TPO: variants seen among roughly 807,000 people sequenced by gnomAD.
The protein encoded by TPO is thyroid microsomal antigen.
Under a neutral mutation model 96.9 loss-of-function variants are expected in TPO, and 78 were observed. The ratio of observed to expected loss-of-function variants is 0.81; its 90% confidence interval spans 0.67 to 0.97. The LOEUF (loss-of-function observed/expected upper bound fraction) is 0.97, where lower values mean the gene tolerates loss of function less well. Ranked by LOEUF, TPO falls within the 50% of genes least tolerant of loss-of-function variation. TPO has a pLI of 0.00. For synonymous variants in TPO, 547 were observed against 538.0 expected, an observed-to-expected ratio of 1.02 and a Z score of -0.23; for missense variants, 1,252 against 1,274.8, an observed-to-expected ratio of 0.98 and a Z score of 0.27.
At chr2:1,491,188 A>T (rs1337994064) in intron 10 of TPO, among the ~76,000 whole-genome samples, 1 of 151,174 alleles carries the variant, frequency 6.6e-6, no homozygotes, top group Non-Finnish European at 1.5e-5. Flanking sequence ...CCAAAAAAAC[A>T]CTTTTTTTTG....
chr2:1,411,804 T>C (rs1049143640), upstream of TPO, among the ~76,000 whole-genome samples: 18 of 152,142 alleles, frequency 1.2e-4, 1 homozygote, highest in Non-Finnish European at 2.4e-4. Context: ...TTCCCACCTT[T>C]GTCTTGTAAG....
At chr2:1,404,799 T>A (rs73181089) in intron 1 of TPO, among the ~76,000 whole-genome samples, 3,180 of 152,318 alleles carry the variant, frequency 0.021, 117 homozygotes, top group African/African-American at 0.073. Flanking sequence ...GGCTGCAGCA[T>A]TGGTTTTCTA....
intron 10 of TPO, among the ~76,000 whole-genome samples, chr2:1,488,958 T>A (rs2124869913): frequency 6.6e-6 from 1 of 152,266 alleles, no homozygotes; most frequent in African/African-American, 2.4e-5. Context: ...TCCCCCTCAC[T>A]CCCTGCACCC....
intron 1 of TPO, among the ~76,000 whole-genome samples, chr2:1,388,580 G>A (rs1172631919): frequency 6.6e-6 from 1 of 152,232 alleles, no homozygotes; most frequent in Non-Finnish European, 1.5e-5. Flanking sequence ...TATGGTGGGA[G>A]TGACCCGATT....
Position 1,504,096 on chromosome 2 carries a change from C to G in TPO, c.2518+17C>G, listed in dbSNP as rs1488012547. The G allele has an allele frequency of 1.2e-6, 2 of 1,613,864 alleles. No homozygotes were observed. Among genetic ancestry groups the G allele is most frequent in the East Asian group, 2.2e-5 (1 of 44,876 alleles). ...CCTGCGTAGGTGAGGCTGTTCCCCTCTCTCTCTGTCCGTCCATTTGCGAGT... is the reference window on the plus strand; with the variant it reads ...CCTGCGTAGGTGAGGCTGTTCCCCTGTCTCTCTGTCCGTCCATTTGCGAGT... On this transcript the variant is annotated intron_variant, in intron 14 of 16. Transcript: ENST00000329066.
chr2:1,504,988 CA>C (rs1355608425), intron 14 of TPO, among the ~76,000 whole-genome samples: 1 of 152,152 alleles, frequency 6.6e-6, no homozygotes, highest in Non-Finnish European at 1.5e-5. Flanking sequence ...GGGGTCAGTG[CA>C]AAACGCTTCA....
At chr2:1,526,388 C>A (rs1321794363) in intron 15 of TPO, among the ~76,000 whole-genome samples, 1 of 95,484 alleles carries the variant, frequency 1.0e-5, no homozygotes, top group South Asian at 4.8e-4. Context: ...AAATGCCCCC[C>A]AATGTGAGCA....
intron 8 of TPO, among the ~76,000 whole-genome samples, chr2:1,478,985 G>A (rs186568397): frequency 8.2e-4 from 125 of 152,370 alleles, no homozygotes; most frequent in Middle Eastern, 3.4e-3. Context: ...GACGGAGGAG[G>A]CTTATGTGGG....
At chr2:1,496,340 TGGGGC>T (rs370762547) in intron 12 of TPO, 143 bp downstream of exon 12, 5,701 of 499,282 alleles carry the variant, frequency 0.011, 60 homozygotes, top group Non-Finnish European at 0.015. Context: ...GGGCAGCTCC[TGGGGC>T]GGGGCGGGGC....
chr2:1,535,243 C>T (rs1679332556), intron 15 of TPO, among the ~76,000 whole-genome samples: 1 of 4,450 alleles, frequency 2.2e-4, no homozygotes, highest in Non-Finnish European at 5.1e-4. Flanking sequence ...CCCAAATCCA[C>T]CCCACTCTGT....
chr2:1,421,023 C>T (rs1275980425), intron 2 of TPO, among the ~76,000 whole-genome samples: 4 of 151,676 alleles, frequency 2.6e-5, no homozygotes, highest in Non-Finnish European at 4.4e-5. Context: ...GGAAAACGGG[C>T]GTTTGGGAGA....
chr2:1,519,553 G>C (rs919551878), intron 15 of TPO, among the ~76,000 whole-genome samples: 6 of 152,108 alleles, frequency 3.9e-5, no homozygotes, highest in Non-Finnish European at 7.4e-5. Context: ...TGGGGTGGTG[G>C]CAGGAAATAT....
Position 1,477,343 on chromosome 2 carries a change from C to T in TPO, c.1077C>T (p.Ser359=), listed in dbSNP as rs781366338. The change falls in exon 8 of 17, where the codon TCC becomes TCT. Residue 359 remains serine, a synonymous_variant. Coordinates refer to ENST00000329066, the MANE Select transcript of TPO (RefSeq NM_001206744.2). ...LLRVHARLRD[S]GRAYLPFVPP... is the part of the protein sequence containing the mutation. The stretch of plus-strand genomic sequence containing the variant: ...GCGTCCACGCGCGCCTCCGGGACTC[C>T]GGCCGCGCCTACCTGCCCTTCGTGC... 15 of 1,554,576 alleles carry T rather than the reference C, an allele frequency of 9.6e-6. No homozygotes were observed. Among genetic ancestry groups the T allele is most frequent in the Middle Eastern group, 1.9e-4 (1 of 5,330 alleles).
At chr2:1,427,601 G>A (rs1664547665) in intron 3 of TPO, among the ~76,000 whole-genome samples, 1 of 152,164 alleles carries the variant, frequency 6.6e-6, no homozygotes. Context: ...CGTGAGAGTG[G>A]GAGCAACTGT....
chr2:1,387,828 C>T (rs973586712), intron 1 of TPO, among the ~76,000 whole-genome samples: 15 of 152,152 alleles, frequency 9.9e-5, no homozygotes, highest in Non-Finnish European at 1.8e-4. Context: ...GTTTTTTCCT[C>T]ATCTTTGTGG....
At chr2:1,397,648 G>A (rs1662102955) in intron 1 of TPO, among the ~76,000 whole-genome samples, 1 of 152,154 alleles carries the variant, frequency 6.6e-6, no homozygotes, top group Non-Finnish European at 1.5e-5. Flanking sequence ...AGGCAGAGCT[G>A]GGAGGCCCTG....
At chr2:1,476,963 C>A in intron 7 of TPO, 123 bp from the exon 8 acceptor site, 1 of 1,292,174 alleles carries the variant, frequency 7.7e-7, no homozygotes, top group Non-Finnish European at 1.1e-6. Flanking sequence ...CTGACCCCTA[C>A]AGAGGACTGG....
intron 15 of TPO, among the ~76,000 whole-genome samples, chr2:1,528,549 C>T (rs910806768): frequency 6.8e-6 from 1 of 147,356 alleles, no homozygotes; most frequent in African/African-American, 2.6e-5. Flanking sequence ...AAATCCCTCC[C>T]ACTCTTTGCA....
chr2:1,388,110 G>A (rs1661930755), intron 1 of TPO, among the ~76,000 whole-genome samples: 1 of 152,232 alleles, frequency 6.6e-6, no homozygotes, highest in Non-Finnish European at 1.5e-5. Context: ...TGAGGTGTCA[G>A]TCTGCCCCTA....
Sources: gnomAD v4.1 joint callset for allele counts (sites outside exome capture counted in the v4.1 genomes callset) on GRCh38, gnomAD v4.1.1 for gene constraint, MANE v1.5 for transcripts, NCBI Gene and HGNC (gene_info 2026-07-23, HGNC 2026-07-21) for gene names.